Variants in RCC1 observed in about 807,000 individuals in gnomAD.
RCC1 encodes the protein regulator of chromosome condensation.
Under a neutral mutation model 44.4 loss-of-function variants are expected in RCC1, and 11 were observed. The observed-to-expected ratio is 0.25, with a 90% CI of 0.16 to 0.41. The LOEUF (loss-of-function observed/expected upper bound fraction) is 0.41, where lower values mean the gene tolerates loss of function less well. Among genes scored for constraint, RCC1 ranks in the 10% least tolerant of loss-of-function variants. The pLI, the probability that RCC1 is intolerant of heterozygous loss-of-function variation, is 1.00. For synonymous variants in RCC1, 213 were observed against 216.5 expected, an observed-to-expected ratio of 0.98 and a Z score of 0.14; for missense variants, 386 against 547.1, an observed-to-expected ratio of 0.71 and a Z score of 2.94.
chr1:28,530,007 C>A (rs1369766996), intron 5 of RCC1, 68 bp downstream of exon 5: 3 of 1,241,144 alleles, frequency 2.4e-6, no homozygotes, highest in African/African-American at 3.0e-5. Context: ...CGGGACTGGG[C>A]TCCTTTCTTC....
chr1:28,521,319 G>T (rs1169160539), intron 4 of RCC1, among the ~76,000 whole-genome samples: 5 of 151,736 alleles, frequency 3.3e-5, no homozygotes, highest in Non-Finnish European at 5.9e-5. Context: ...GGCTAACACG[G>T]TGAAACCCCG....
chr1:28,521,532 C>T (rs929067953), intron 4 of RCC1, among the ~76,000 whole-genome samples: 1 of 150,620 alleles, frequency 6.6e-6, no homozygotes, highest in Non-Finnish European at 1.5e-5. Flanking sequence ...AAGAAGGTGG[C>T]CCTCCATCCC....
chr1:28,535,170 G>A (rs1241041830), intron 8 of RCC1, 24 bp downstream of exon 8: 2 of 1,614,038 alleles, frequency 1.2e-6, no homozygotes, highest in African/African-American at 2.7e-5. Flanking sequence ...CACTTGCTCA[G>A]GGCAGGAGTT....
At chr1:28,507,156 G>T (rs949189268) in intron 1 of RCC1, 15 of 290,444 alleles carry the variant, frequency 5.2e-5, no homozygotes, top group African/African-American at 3.3e-4. Flanking sequence ...TTGCTTCTGC[G>T]GTACCTTCCA....
chr1:28,506,700 A>G (rs1240271490), intron 1 of RCC1: 3 of 161,000 alleles, frequency 1.9e-5, no homozygotes, highest in African/African-American at 7.2e-5. Context: ...TCTCAATATA[A>G]TTGCACACAG....
At chr1:28,528,714 A>G (rs866751778) in intron 4 of RCC1, among the ~76,000 whole-genome samples, 51 of 151,870 alleles carry the variant, frequency 3.4e-4, no homozygotes, top group African/African-American at 1.2e-3. Context: ...GATTATCTAT[A>G]ATACCATTTT....
Position 28,532,079 on chromosome 1 carries a change from G to A in RCC1, c.261+89G>A. On this transcript the variant is annotated intron_variant, in intron 6 of 12. Coordinates refer to ENST00000683442, the MANE Select transcript of RCC1 (RefSeq NM_001381865.2). ...TTTTGAACCACGCATGTTCACTGTG[G>A]AAATGGAGCTGGCTAGTCAAGTGGG... is the stretch of plus-strand genomic sequence containing the variant. The A allele has an allele frequency of 2.6e-6, 4 of 1,566,054 alleles. No individual in the cohort carries two copies. In the African/African-American group the frequency reaches 5.4e-5, roughly 21 times the overall value.
chr1:28,506,483 C>T (rs1416938277), intron 1 of RCC1: 2 of 318,144 alleles, frequency 6.3e-6, no homozygotes, highest in Non-Finnish European at 1.2e-5. Context: ...CCGCGCCTGG[C>T]CGGAAATCAT....
chr1:28,532,130 C>A (rs374341856), intron 6 of RCC1, 41 bp from the exon 7 acceptor site: 17 of 1,597,376 alleles, frequency 1.1e-5, no homozygotes, highest in African/African-American at 4.0e-5. Context: ...GAATGGACTG[C>A]GAGGCCAGAC....
At chr1:28,526,764 C>T in intron 4 of RCC1, 2 of 543,778 alleles carry the variant, frequency 3.7e-6, no homozygotes, top group Non-Finnish European at 3.3e-6. Context: ...GGCGTCGTGG[C>T]AGGCGCCTGT....
chr1:28,515,151 G>A (rs767677896), intron 3 of RCC1, among the ~76,000 whole-genome samples: 32 of 151,788 alleles, frequency 2.1e-4, no homozygotes, highest in Non-Finnish European at 3.7e-4. Context: ...TTAGCTGGAC[G>A]TGGTGGTGCA....
At chr1:28,528,967 A>C (rs2124648734) in intron 4 of RCC1, among the ~76,000 whole-genome samples, 1 of 149,378 alleles carries the variant, frequency 6.7e-6, no homozygotes, top group Non-Finnish European at 1.5e-5. Flanking sequence ...GGTTCAAGCA[A>C]TTCTCCTGCC....
At chr1:28,527,023 C>T (rs1337727180) in intron 4 of RCC1, 20 of 821,238 alleles carry the variant, frequency 2.4e-5, no homozygotes, top group East Asian at 1.2e-4. Flanking sequence ...TAAAATAGGG[C>T]GCATGCTGGG....
At position 28,535,289 on chromosome 1, in the gene RCC1, T is replaced by C. The variant is rs762165490; in HGVS notation, c.570T>C (p.Asp190=). The C allele has an allele frequency of 2.5e-6, 4 of 1,614,200 alleles. No homozygotes were observed. In the Admixed American group the frequency reaches 5.0e-5, roughly 20 times the overall value. The change falls in exon 9 of 13, where the codon GAT becomes GAC. Residue 190 remains aspartate, a synonymous_variant. Coordinates refer to ENST00000683442, the MANE Select transcript of RCC1 (RefSeq NM_001381865.2). ...ACCACTTGGTGATGCTGACAGCTGA[T>C]GGTGACCTCTACACCTTGGGCTGCG... ...GNDHLVMLTA[D]GDLYTLGCGE...
intron 4 of RCC1, among the ~76,000 whole-genome samples, chr1:28,520,637 G>A (rs1259123127): frequency 3.3e-5 from 5 of 152,044 alleles, no homozygotes; most frequent in Admixed American, 6.6e-5. Flanking sequence ...CTCTGTAGCC[G>A]ACTTATCTGT....
intron 4 of RCC1, chr1:28,518,226 A>G (rs1663011792): frequency 6.6e-6 from 1 of 151,950 alleles, no homozygotes; most frequent in South Asian, 2.1e-4. Context: ...GGTCGGGGCC[A>G]GAGGCCTGCA....
intron 1 of RCC1, 185 bp from the exon 2 acceptor site, chr1:28,507,932 GAAAAATTGGCT>G (rs1662148952): frequency 3.3e-6 from 1 of 301,572 alleles, no homozygotes; most frequent in East Asian, 8.8e-5. Flanking sequence ...ACATGTTTAA[GAAAAATTGGCT>G]AAAAAGTAGC....
At chr1:28,530,767 T>TC in intron 5 of RCC1, 1 of 586,070 alleles carries the variant, frequency 1.7e-6, no homozygotes, top group South Asian at 2.1e-5. Context: ...GGCGCGCACC[T>TC]CCCGCAAATG....
Position 28,516,703 on chromosome 1 carries a change from CACTT to C in RCC1, c.-152-20_-152-17del, listed in dbSNP as rs1662915675. The C allele has an allele frequency of 3.0e-6, 1 of 336,154 alleles. No individual in the cohort carries two copies. The highest frequency in any genetic ancestry group is 2.2e-5 in the African/African-American group (1 of 45,592). The allele number at this position is 336,154 out of a possible 1,614,324, so 20.8% of individuals were successfully genotyped here. On this transcript the variant is annotated intron_variant, in intron 3 of 12. Transcript: ENST00000683442. ...CAAAATAGGCAATAATAATAATAAT[CACTT>C]ATTATTATTACATGAAGCTACATGA...
Sources: allele counts gnomAD v4.1 joint callset (sites outside exome capture counted in the v4.1 genomes callset), GRCh38; gene constraint gnomAD v4.1.1; transcripts MANE v1.5; gene names NCBI Gene and HGNC (gene_info 2026-07-23, HGNC 2026-07-21).